The following CDKAL1 variants were observed in gnomAD, a reference collection of about 807,000 sequenced individuals.
CDKAL1 encodes CDKAL1 threonylcarbamoyladenosine tRNA methylthiotransferase.
Under a neutral mutation model 68.2 loss-of-function variants are expected in CDKAL1, and 32 were observed. That is an observed-to-expected ratio of 0.47 (90% CI 0.35 to 0.63). The LOEUF (loss-of-function observed/expected upper bound fraction) is 0.63. CDKAL1 is among the 30% of genes least tolerant of loss of function. The pLI, the probability that CDKAL1 is intolerant of heterozygous loss-of-function variation, is 0.00. For missense variants in CDKAL1, 606 were observed against 696.7 expected (o/e 0.87, Z 1.47); for synonymous variants, 234 against 244.3 (o/e 0.96, Z 0.39).
intron 9 of CDKAL1, among the ~76,000 whole-genome samples, chr6:20,916,159 C>A (rs1762715272): frequency 2.0e-5 from 3 of 152,034 alleles, no homozygotes; most frequent in Admixed American, 1.3e-4. Flanking sequence ...AACCACAGTC[C>A]CTTTCTTCCT....
chr6:21,191,937 C>G (rs1415508480), intron 13 of CDKAL1, among the ~76,000 whole-genome samples: 3 of 144,418 alleles, frequency 2.1e-5, no homozygotes, highest in Non-Finnish European at 4.5e-5. Flanking sequence ...CTTTAGTGAC[C>G]GAGTCAGAGA....
chr6:21,108,257 G>C (rs914006721), intron 12 of CDKAL1, 144 bp from the exon 13 acceptor site: 1 of 581,698 alleles, frequency 1.7e-6, no homozygotes, highest in Non-Finnish European at 2.9e-6. Flanking sequence ...TGTCTTCTCA[G>C]CCTCCACAAA....
At chr6:21,075,416 C>T (rs1772017856) in intron 12 of CDKAL1, among the ~76,000 whole-genome samples, 2 of 151,888 alleles carry the variant, frequency 1.3e-5, no homozygotes, top group African/African-American at 2.4e-5. Flanking sequence ...ATGGATAAGA[C>T]ACCCTTTAGT....
At chr6:21,162,013 G>A (rs191637430) in intron 13 of CDKAL1, among the ~76,000 whole-genome samples, 1 of 152,290 alleles carries the variant, frequency 6.6e-6, no homozygotes, top group African/African-American at 2.4e-5. Context: ...AAGTAATACA[G>A]ACGCTGCTTA....
intron 9 of CDKAL1, among the ~76,000 whole-genome samples, chr6:20,879,643 A>G (rs751429366): frequency 1.3e-5 from 2 of 152,060 alleles, no homozygotes; most frequent in Non-Finnish European, 2.9e-5. Flanking sequence ...TGATATTGGC[A>G]ATTTCTTTCC....
chr6:20,802,288 C>T (rs1776397109), intron 8 of CDKAL1, among the ~76,000 whole-genome samples: 1 of 141,148 alleles, frequency 7.1e-6, no homozygotes, highest in Non-Finnish European at 1.6e-5. Flanking sequence ...CAAAGCAAGA[C>T]TCCGTCTCAA....
chr6:20,868,283 T>C (rs1199163999), intron 9 of CDKAL1, among the ~76,000 whole-genome samples: 1 of 152,252 alleles, frequency 6.6e-6, no homozygotes, highest in Non-Finnish European at 1.5e-5. Flanking sequence ...CCTTTTTTAG[T>C]TGATCCAGAC....
At position 20,563,473 on chromosome 6, in the gene CDKAL1, G is replaced by A. The variant is rs187092969; in HGVS notation, c.286+14768G>A. On this transcript the variant is annotated intron_variant, in intron 4 of 15. Transcript: ENST00000274695. ...TTTATATTGTGGTGTAAAATCATGT[G>A]CAAGCCATAAACAAGGGCTTTTAAA... Among the ~76,000 whole-genome samples the A allele has an allele frequency of 3.8e-3, 571 of 152,136 alleles. 2 individuals carry two copies. The highest frequency in any genetic ancestry group is 0.013 in the African/African-American group (535 of 41,514).
At position 20,575,516 on chromosome 6, in the gene CDKAL1, G is replaced by A. The variant is rs970088400; in HGVS notation, c.286+26811G>A. 4.7e-5 allele frequency among the ~76,000 whole-genome samples: 7 copies of A among 150,374 alleles called. No individual in the cohort carries two copies. The South Asian group carries it at 6.3e-4, about 13-fold the overall frequency. On this transcript the variant is annotated intron_variant, in intron 4 of 15. Transcript: ENST00000274695. The stretch of plus-strand genomic sequence containing the variant: ...AGTATCCATTTAATTTTATAACATA[G>A]CCACAGAAATTCATATGATTTTTCT...
intron 6 of CDKAL1, among the ~76,000 whole-genome samples, chr6:20,751,895 C>T (rs1773937698): frequency 6.6e-6 from 1 of 152,080 alleles, no homozygotes; most frequent in Non-Finnish European, 1.5e-5. Context: ...GTATTCAGAG[C>T]CTCAATTTAT....
chr6:21,041,602 CTT>C lies in CDKAL1; in HGVS notation c.1056-23433_1056-23432del, dbSNP rs61519451. Among the ~76,000 whole-genome samples, 171 of 137,986 alleles carry C rather than the reference CTT, an allele frequency of 1.2e-3. 1 individual carries two copies. The highest frequency in any genetic ancestry group is 4.4e-3 in the East Asian group (21 of 4,760). 90.5% of individuals were successfully genotyped at this position (137,986 alleles called of 152,430 possible). On this transcript the variant is annotated intron_variant, in intron 11 of 15. Coordinates refer to ENST00000274695, the MANE Select transcript of CDKAL1 (RefSeq NM_017774.3). ...TTTTTTTCAATGTTACTCTGAAAAT[CTT>C]TTTTTTTTTTTTGGTATTCTGGATT... is the stretch of plus-strand genomic sequence containing the variant.
intron 9 of CDKAL1, among the ~76,000 whole-genome samples, chr6:20,870,054 A>G (rs1477988875): frequency 2.6e-5 from 4 of 152,234 alleles, no homozygotes; most frequent in African/African-American, 7.2e-5. Context: ...TTCCACTTAG[A>G]GAATCCCCGT....
chr6:20,949,920 G>C (rs1349869744), intron 9 of CDKAL1, among the ~76,000 whole-genome samples: 1 of 152,018 alleles, frequency 6.6e-6, no homozygotes, highest in Non-Finnish European at 1.5e-5. Flanking sequence ...CTCCCAGGTA[G>C]CTGGGACTAC....
intron 10 of CDKAL1, among the ~76,000 whole-genome samples, chr6:20,960,420 A>G (rs1334386111): frequency 6.6e-6 from 1 of 152,224 alleles, no homozygotes; most frequent in African/African-American, 2.4e-5. Context: ...TGCATCTTCA[A>G]GGAAGCCTTC....
intron 8 of CDKAL1, among the ~76,000 whole-genome samples, chr6:20,800,034 A>C (rs759707454): frequency 1.3e-5 from 2 of 152,250 alleles, no homozygotes; most frequent in African/African-American, 2.4e-5. Flanking sequence ...CCCCCTTTGC[A>C]GGGCTGCCTA....
intron 4 of CDKAL1, among the ~76,000 whole-genome samples, chr6:20,573,185 T>G (rs906591736): frequency 1.3e-5 from 2 of 152,180 alleles, no homozygotes; most frequent in Non-Finnish European, 2.9e-5. Context: ...GATCTGTTTT[T>G]TCAGATTGGA....
At chr6:20,897,064 G>T (rs1187196158) in intron 9 of CDKAL1, among the ~76,000 whole-genome samples, 1 of 152,170 alleles carries the variant, frequency 6.6e-6, no homozygotes, top group African/African-American at 2.4e-5. Context: ...GGTGCCAACA[G>T]ATTCAGTATC....
At chr6:20,937,047 A>G (rs73735032) in intron 9 of CDKAL1, among the ~76,000 whole-genome samples, 14,414 of 152,146 alleles carry the variant, frequency 0.095, 1,175 homozygotes, top group African/African-American at 0.22. Context: ...AAAAACAGTA[A>G]TAAGAGTACA....
intron 9 of CDKAL1, among the ~76,000 whole-genome samples, chr6:20,886,038 G>A (rs977329994): frequency 1.3e-5 from 2 of 151,892 alleles, no homozygotes; most frequent in Non-Finnish European, 2.9e-5. Context: ...CGCCATCCCC[G>A]TCCCCCACAA....
Sources: gnomAD v4.1 joint callset for allele counts (sites outside exome capture counted in the v4.1 genomes callset) on GRCh38, gnomAD v4.1.1 for gene constraint, MANE v1.5 for transcripts, NCBI Gene and HGNC (gene_info 2026-07-23, HGNC 2026-07-21) for gene names.